Variants in ERCC6L2 observed in about 807,000 individuals in gnomAD.
ERCC6L2 encodes DNA excision repair protein ERCC-6-like 2.
ERCC6L2 carries 77 observed loss-of-function variants against 132.0 expected under a neutral mutation model. That is an observed-to-expected ratio of 0.58 (90% confidence interval 0.49 to 0.71). ERCC6L2 has a LOEUF of 0.71. Among genes scored for constraint, ERCC6L2 ranks in the 30% least tolerant of loss-of-function variants. The pLI is 0.00. For synonymous variants in ERCC6L2, 583 were observed against 632.4 expected, an observed-to-expected ratio of 0.92 and a Z score of 1.17; for missense variants, 1,542 against 1,837.6, an observed-to-expected ratio of 0.84 and a Z score of 2.94.
intron 3 of ERCC6L2, among the ~76,000 whole-genome samples, 189 bp downstream of exon 3, chr9:95,898,160 A>G (rs1467199549): frequency 6.6e-6 from 1 of 152,042 alleles, no homozygotes; most frequent in African/African-American, 2.4e-5. Context: ...TCCCAAGTTA[A>G]ATTTGATTGA....
chr9:96,011,199 C>A (rs1006589055), intron 18 of ERCC6L2, among the ~76,000 whole-genome samples: 38 of 152,296 alleles, frequency 2.5e-4, no homozygotes, highest in Admixed American at 7.2e-4. Flanking sequence ...TTAGCTGATT[C>A]AGTTTCTGGT....
chr9:95,901,979 T>C (rs1828802280), intron 3 of ERCC6L2, among the ~76,000 whole-genome samples: 2 of 152,220 alleles, frequency 1.3e-5, no homozygotes. Context: ...TTGTATTTAT[T>C]ATGCTAATGC....
chr9:95,884,982 A>C (rs1283419047), intron 2 of ERCC6L2, among the ~76,000 whole-genome samples: 1 of 152,228 alleles, frequency 6.6e-6, no homozygotes, highest in Non-Finnish European at 1.5e-5. Context: ...AAGAGGGCAC[A>C]GATAAATATG....
chr9:96,028,638 T>G (rs1381385783), intron 19 of ERCC6L2, among the ~76,000 whole-genome samples: 1 of 152,178 alleles, frequency 6.6e-6, no homozygotes, highest in Non-Finnish European at 1.5e-5. Flanking sequence ...GTTCCCCTTT[T>G]CCTTCTATTC....
intron 2 of ERCC6L2, among the ~76,000 whole-genome samples, chr9:95,889,579 A>G (rs963847244): frequency 2.0e-5 from 3 of 152,128 alleles, no homozygotes; most frequent in Non-Finnish European, 2.9e-5. Flanking sequence ...ACAAATGTCT[A>G]TGTCTGTGTA....
At chr9:95,991,361 A>T (rs1833294403) in intron 17 of ERCC6L2, among the ~76,000 whole-genome samples, 1 of 152,156 alleles carries the variant, frequency 6.6e-6, no homozygotes, top group Non-Finnish European at 1.5e-5. Context: ...AATTTTAGCA[A>T]ATCTCAACCC....
chr9:95,970,751 T>TA (rs113625132), intron 15 of ERCC6L2, 95 bp downstream of exon 15: 65,934 of 704,054 alleles, frequency 0.094, 1,331 homozygotes, highest in Admixed American at 0.15. Flanking sequence ...TTATAACCTG[T>TA]AAAAAAAAAA....
chr9:95,907,281 A>G lies in ERCC6L2; in HGVS notation c.788+10A>G. 1.9e-6 allele frequency: 3 copies of G among 1,584,486 alleles called. No individual in the cohort carries two copies. Among genetic ancestry groups the G allele is most frequent in the Non-Finnish European group, 2.6e-6 (3 of 1,160,226 alleles). ...TGGATGAACTTAACAGGTAATGGGAATAATAGGAATAGGAATGATTGTATT... is the reference window on the plus strand; with the variant it reads ...TGGATGAACTTAACAGGTAATGGGAGTAATAGGAATAGGAATGATTGTATT... On this transcript the variant is annotated intron_variant, in intron 4 of 18. Transcript: ENST00000653738.
chr9:95,956,885 T>C (rs1228956131), intron 13 of ERCC6L2, among the ~76,000 whole-genome samples: 3 of 152,110 alleles, frequency 2.0e-5, no homozygotes, highest in Admixed American at 1.3e-4. Flanking sequence ...GAGTAACCTC[T>C]TCTTTTTACA....
intron 16 of ERCC6L2, 55 bp from the exon 17 acceptor site, chr9:95,978,006 G>T: frequency 2.7e-6 from 3 of 1,129,666 alleles, no homozygotes; most frequent in Non-Finnish European, 3.4e-6. Flanking sequence ...TGTTTTTATG[G>T]AACCATATTG....
chr9:96,021,256 G>C (rs2133249574), downstream of ERCC6L2: 1 of 346,762 alleles, frequency 2.9e-6, no homozygotes, highest in Non-Finnish European at 5.7e-6. This position sits in a 1 kb window ranked among gnomAD's most constrained non-coding sequence, Gnocchi z 4.7. Flanking sequence ...CAAGCAACCC[G>C]TTCCTCCGAA....
chr9:95,886,911 C>G (rs1487447910), intron 2 of ERCC6L2, among the ~76,000 whole-genome samples: 1 of 152,198 alleles, frequency 6.6e-6, no homozygotes, highest in East Asian at 1.9e-4. Context: ...CTGGCCTAGC[C>G]TCCCAGCCTG....
intron 11 of ERCC6L2, among the ~76,000 whole-genome samples, chr9:95,934,727 A>G (rs1830482727): frequency 6.6e-6 from 1 of 152,170 alleles, no homozygotes; most frequent in African/African-American, 2.4e-5. Context: ...ACTTGTGAGG[A>G]TTAAGTTAAG....
chr9:95,963,114 A>G (rs1397733938), intron 13 of ERCC6L2, among the ~76,000 whole-genome samples: 1 of 151,828 alleles, frequency 6.6e-6, no homozygotes, highest in Non-Finnish European at 1.5e-5. Context: ...CATTTAAACA[A>G]TCTAAAGTTT....
chr9:96,027,149 CCCA>C (rs1004934266), intron 19 of ERCC6L2, among the ~76,000 whole-genome samples: 2 of 150,116 alleles, frequency 1.3e-5, no homozygotes, highest in African/African-American at 4.9e-5. Flanking sequence ...CTACACACAC[CCCA>C]CATGCACCAC....
intron 17 of ERCC6L2, among the ~76,000 whole-genome samples, chr9:95,994,548 A>G (rs1412244036): frequency 4.6e-5 from 7 of 152,136 alleles, no homozygotes; most frequent in Admixed American, 4.6e-4. Context: ...TTAATAAAAG[A>G]TTTCACTACT....
chr9:95,972,314 C>A lies in ERCC6L2; in HGVS notation c.2563C>A (p.Leu855Ile). ...TSKHQKLDNI[L>I]NPKEKHIFYK... ...AAAACATCAGAAATTAGATAACATC[C>A]TAAATCCAAAAGAAAAGCATATTTT... is the stretch of plus-strand genomic sequence containing the variant. Residue 855 changes from leucine to isoleucine, a missense_variant, in exon 16 of 19, where the codon CTA becomes ATA. Transcript: ENST00000653738. The A allele has an allele frequency of 7.7e-7, 1 of 1,294,256 alleles. No homozygotes were observed. Among genetic ancestry groups the A allele is most frequent in the South Asian group, 1.3e-5 (1 of 78,654 alleles). 80.2% of individuals were successfully genotyped at this position (1,294,256 alleles called of 1,614,324 possible). A position where few individuals can be genotyped will look rare whatever the true frequency, so the allele number is the denominator to read the frequency against.
At chr9:95,926,899 A>G (rs927088696) in intron 9 of ERCC6L2, among the ~76,000 whole-genome samples, 1 of 152,048 alleles carries the variant, frequency 6.6e-6, no homozygotes, top group Non-Finnish European at 1.5e-5. Context: ...TTAATAAGAG[A>G]AAGTGTGGAG....
chr9:96,002,660 T>C (rs1483930242), intron 17 of ERCC6L2, among the ~76,000 whole-genome samples: 1 of 152,128 alleles, frequency 6.6e-6, no homozygotes, highest in Non-Finnish European at 1.5e-5. Flanking sequence ...CTTGAAATCC[T>C]GGGCTAAAAG....
Sources: allele counts gnomAD v4.1 joint callset (sites outside exome capture counted in the v4.1 genomes callset), GRCh38; gene constraint gnomAD v4.1.1; non-coding constraint Gnocchi (gnomAD v3.1); transcripts MANE v1.5; gene names NCBI Gene and HGNC (gene_info 2026-07-23, HGNC 2026-07-21).